Variants in TBC1D9 observed in about 807,000 individuals in gnomAD.
The protein encoded by TBC1D9 is TBC1 domain family member 9A.
A neutral mutation model predicts 132.0 loss-of-function variants in TBC1D9; 63 were observed. That is an observed-to-expected ratio of 0.48 (90% CI 0.39 to 0.59). The LOEUF (loss-of-function observed/expected upper bound fraction) is 0.59, where lower values mean the gene tolerates loss of function less well. Ranked by LOEUF, TBC1D9 falls within the 20% of genes least tolerant of loss-of-function variation. The pLI is 0.00. For missense variants in TBC1D9, 1,261 were observed against 1,592.7 expected (o/e 0.79, Z 3.54); for synonymous variants, 610 against 609.9 (o/e 1.00, Z 0.00).
At chr4:140,722,880 C>G (rs1738445502) in intron 1 of TBC1D9, among the ~76,000 whole-genome samples, 1 of 152,118 alleles carries the variant, frequency 6.6e-6, no homozygotes, top group South Asian at 2.1e-4. Context: ...GTTCTCCTCC[C>G]CATTGAGTTA....
At chr4:140,752,113 C>A (rs950778606) in intron 1 of TBC1D9, among the ~76,000 whole-genome samples, 4 of 152,110 alleles carry the variant, frequency 2.6e-5, no homozygotes, top group Admixed American at 6.5e-5. Flanking sequence ...AGAAACATGC[C>A]CCAAAATGAC....
Position 140,756,022 on chromosome 4 carries a change from C to T in TBC1D9, c.24G>A (p.Val8=). 6.2e-7 allele frequency: 1 copy of T among 1,609,568 alleles called. No homozygotes were observed. The change falls in exon 1 of 21, where the codon GTG becomes GTA. Residue 8 remains valine, a synonymous_variant. Coordinates refer to ENST00000442267, the MANE Select transcript of TBC1D9 (RefSeq NM_015130.3). The surrounding 1 kb of genome is among the most constrained non-coding windows in gnomAD (Gnocchi z 5.6). ...TGATCCACAGCGCGTTGGCCAGCAA[C>T]ACCTCCTCCGGGTTCACCCACATGG... MWVNPEE[V]LLANALWITE... is the part of the protein sequence containing the mutation.
chr4:140,733,027 G>C (rs1486331099), intron 1 of TBC1D9, among the ~76,000 whole-genome samples: 1 of 152,132 alleles, frequency 6.6e-6, no homozygotes, highest in Admixed American at 6.5e-5. Flanking sequence ...CGTTAGAGCT[G>C]AGTGTCAGTT....
intron 1 of TBC1D9, among the ~76,000 whole-genome samples, chr4:140,742,902 G>A (rs74350321): frequency 0.018 from 2,774 of 151,972 alleles, 87 homozygotes; most frequent in African/African-American, 0.062. Flanking sequence ...AGGAGGAGGA[G>A]GAGGAGGAGA....
chr4:140,730,404 C>T (rs1044544923), intron 1 of TBC1D9, among the ~76,000 whole-genome samples: 7 of 152,122 alleles, frequency 4.6e-5, no homozygotes, highest in East Asian at 1.9e-4. Context: ...ATGGATCTGA[C>T]GGCACTGTCT....
chr4:140,659,654 C>T lies in TBC1D9; in HGVS notation c.1855G>A (p.Ala619Thr). The change falls in exon 11 of 21, where the codon GCT becomes ACT. Residue 619 changes from alanine to threonine, a missense_variant. Transcript: ENST00000442267. ...CACAAAGCCACAAGCAGCCAGAAAG[C>T]TTCCTCCTCTTTGGCATAAAGCAGC... is the stretch of plus-strand genomic sequence containing the variant. Reference protein sequence around the residue: ...VLLLYAKEEEAFWLLVALCER... With the variant: ...VLLLYAKEEETFWLLVALCER... 1 of 1,608,038 alleles carries T rather than the reference C, an allele frequency of 6.2e-7. No individual in the cohort carries two copies. Among genetic ancestry groups the T allele is most frequent in the Non-Finnish European group, 8.5e-7 (1 of 1,177,326 alleles).
At chr4:140,681,230 G>C (rs1737698328) in intron 3 of TBC1D9, among the ~76,000 whole-genome samples, 1 of 152,126 alleles carries the variant, frequency 6.6e-6, no homozygotes, top group African/African-American at 2.4e-5. Flanking sequence ...CATTCTACAT[G>C]CCTGAAATCT....
At chr4:140,710,662 T>C (rs1481903161) in intron 1 of TBC1D9, among the ~76,000 whole-genome samples, 1 of 151,920 alleles carries the variant, frequency 6.6e-6, no homozygotes, top group Non-Finnish European at 1.5e-5. Flanking sequence ...TGCAAGCCCA[T>C]CTCTTAAAGT....
chr4:140,639,472 G>T, intron 13 of TBC1D9, 44 bp from the exon 14 acceptor site: 1 of 1,359,570 alleles, frequency 7.4e-7, no homozygotes. Flanking sequence ...ATCTCTTACA[G>T]CACACAATGT....
At chr4:140,685,917 T>C (rs1478495702) in intron 3 of TBC1D9, among the ~76,000 whole-genome samples, 3 of 149,846 alleles carry the variant, frequency 2.0e-5, no homozygotes, top group African/African-American at 7.5e-5. Context: ...TAATGTTCCA[T>C]AGTGACTAGG....
intron 1 of TBC1D9, among the ~76,000 whole-genome samples, chr4:140,732,715 T>C (rs1025540406): frequency 5.3e-5 from 8 of 152,104 alleles, no homozygotes; most frequent in Admixed American, 2.0e-4. Flanking sequence ...TAACACCCCA[T>C]CAAGCCCTAA....
At chr4:140,677,871 T>A (rs1737649142) in intron 5 of TBC1D9, among the ~76,000 whole-genome samples, 1 of 152,216 alleles carries the variant, frequency 6.6e-6, no homozygotes, top group South Asian at 2.1e-4. Flanking sequence ...ATCCTTTCCA[T>A]GCTTTCTCTA....
chr4:140,713,276 G>A (rs1160852184), intron 1 of TBC1D9, among the ~76,000 whole-genome samples: 3 of 152,006 alleles, frequency 2.0e-5, no homozygotes, highest in Non-Finnish European at 4.4e-5. Context: ...TACCCATGGT[G>A]TTGCCTTCAG....
At chr4:140,679,299 C>G in intron 4 of TBC1D9, 96 bp from the exon 5 acceptor site, 1 of 1,320,148 alleles carries the variant, frequency 7.6e-7, no homozygotes, top group South Asian at 1.4e-5. Flanking sequence ...TCCCACTGAA[C>G]TCCTTTGAGT....
At chr4:140,671,456 C>T (rs1371485805) in intron 6 of TBC1D9, among the ~76,000 whole-genome samples, 1 of 152,124 alleles carries the variant, frequency 6.6e-6, no homozygotes, top group Non-Finnish European at 1.5e-5. Context: ...GCTTCATCAG[C>T]CATAAGAGAC....
At chr4:140,653,430 A>C (rs988087271) in intron 13 of TBC1D9, among the ~76,000 whole-genome samples, 3 of 152,210 alleles carry the variant, frequency 2.0e-5, no homozygotes, top group Non-Finnish European at 4.4e-5. Flanking sequence ...AGCGCAGTGA[A>C]TCTCAACCCT....
chr4:140,639,243 C>T (rs1268008632), intron 14 of TBC1D9, 87 bp downstream of exon 14: 1 of 1,469,278 alleles, frequency 6.8e-7, no homozygotes, highest in Non-Finnish European at 9.3e-7. Context: ...AAATTGTTTT[C>T]AGTTCTGTCA....
intron 1 of TBC1D9, among the ~76,000 whole-genome samples, chr4:140,748,388 T>C (rs1379338698): frequency 6.6e-6 from 1 of 152,090 alleles, no homozygotes; most frequent in African/African-American, 2.4e-5. Context: ...ATACATGTAA[T>C]TGGAGTGCCA....
At chr4:140,687,113 C>A (rs553521929) in intron 2 of TBC1D9, among the ~76,000 whole-genome samples, 3 of 151,818 alleles carry the variant, frequency 2.0e-5, no homozygotes, top group South Asian at 4.2e-4. Context: ...ACTCTTCCAG[C>A]AACCTCCAAA....
Sources: allele counts gnomAD v4.1 joint callset (sites outside exome capture counted in the v4.1 genomes callset), GRCh38; gene constraint gnomAD v4.1.1; non-coding constraint Gnocchi (gnomAD v3.1); transcripts MANE v1.5; gene names NCBI Gene and HGNC (gene_info 2026-07-23, HGNC 2026-07-21).